GYPC: variants seen among roughly 807,000 people sequenced by gnomAD.
GYPC encodes the protein glycophorin C (Gerbich blood group), also known as glycophorin-C.
GYPC carries 14 observed loss-of-function variants against 12.6 expected under a neutral mutation model. The observed-to-expected ratio is 1.11, with a 90% CI of 0.74 to 1.74. The LOEUF is 1.74. Among genes scored for constraint, GYPC ranks in the 40% most tolerant of loss-of-function variants. The pLI, the probability that GYPC is intolerant of heterozygous loss-of-function variation, is 0.00. For synonymous variants in GYPC, 78 were observed against 62.1 expected (o/e 1.26, Z -1.20); for missense variants, 225 against 172.1 (o/e 1.31, Z -1.72).
At chr2:126,690,625 G>A (rs887495699) in intron 2 of GYPC, among the ~76,000 whole-genome samples, 7 of 152,206 alleles carry the variant, frequency 4.6e-5, no homozygotes, top group African/African-American at 1.2e-4. Context: ...TGGAGAGGCA[G>A]CAGTTTTGGT....
intron 1 of GYPC, chr2:126,680,001 A>C (rs972658592): frequency 3.9e-5 from 6 of 152,154 alleles, no homozygotes; most frequent in African/African-American, 1.4e-4. Context: ...GTAAGCTAAC[A>C]ATGATTTTTA....
intron 1 of GYPC, chr2:126,686,734 A>G (rs1414614695): frequency 1.4e-5 from 14 of 977,996 alleles, no homozygotes; most frequent in Non-Finnish European, 1.7e-5. Flanking sequence ...TTTCCAAAAA[A>G]TAGGTCCTCT....
intron 1 of GYPC, among the ~76,000 whole-genome samples, chr2:126,667,201 C>A (rs1438283210): frequency 6.6e-6 from 1 of 152,142 alleles, no homozygotes; most frequent in African/African-American, 2.4e-5. Flanking sequence ...GAGAATTCAG[C>A]AAGGCTGTTT....
intron 1 of GYPC, among the ~76,000 whole-genome samples, chr2:126,667,758 C>T (rs774850276): frequency 9.2e-5 from 14 of 152,192 alleles, no homozygotes; most frequent in Non-Finnish European, 1.9e-4. Flanking sequence ...TAGCAGGTGA[C>T]CTGAGCCCTG....
intron 1 of GYPC, chr2:126,680,440 C>G (rs371604236): frequency 2.6e-5 from 4 of 152,306 alleles, no homozygotes; most frequent in African/African-American, 9.6e-5. Context: ...GTGAGAGGAA[C>G]CTTTCCAGTG....
At chr2:126,684,956 CTG>C (rs1683244401) in intron 1 of GYPC, among the ~76,000 whole-genome samples, 2 of 152,308 alleles carry the variant, frequency 1.3e-5, no homozygotes, top group South Asian at 4.1e-4. Flanking sequence ...CCCTGTAACT[CTG>C]TGGCTGAATA....
chr2:126,684,177 C>G lies in GYPC; in HGVS notation c.50-6078C>G, dbSNP rs1218236001. ...CTGTTGTAAGGTCACCCATACAGACCTTCAGGGCAATCATTTTGACCTTGA... is the reference window on the plus strand; with the variant it reads ...CTGTTGTAAGGTCACCCATACAGACGTTCAGGGCAATCATTTTGACCTTGA... On this transcript the variant is annotated intron_variant, in intron 1 of 3. Coordinates refer to ENST00000259254, the MANE Select transcript of GYPC (RefSeq NM_002101.5). Among the ~76,000 whole-genome samples the G allele has an allele frequency of 3.9e-5, 6 of 152,288 alleles. No individual in the cohort carries two copies. In the East Asian group the frequency reaches 9.6e-4, roughly 24 times the overall value.
In GYPC at chr2:126,696,581, G is replaced by C. The variant is rs567737895; in HGVS notation, c.*439G>C. 8.4e-5 allele frequency: 22 copies of C among 261,290 alleles called. No homozygotes were observed. The South Asian group carries it at 1.0e-3, about 12-fold the overall frequency. The allele number at this position is 261,290 out of a possible 1,614,324, so 16.2% of individuals were successfully genotyped here. A position where few individuals can be genotyped will look rare whatever the true frequency, so the allele number is the denominator to read the frequency against. On this transcript the variant is annotated 3_prime_UTR_variant, in exon 4 of 4. Transcript: ENST00000259254. ...AATGTCAGTCCTTGACATTTGGGGG[G>C]AACAGCAGGTGCCAGAGCTAAAAGG...
At chr2:126,666,200 C>T (rs1682672683) in intron 1 of GYPC, among the ~76,000 whole-genome samples, 1 of 152,144 alleles carries the variant, frequency 6.6e-6, no homozygotes. Flanking sequence ...ACCCACTCTT[C>T]CCCCGGGGAA....
chr2:126,661,987 G>A lies in GYPC; in HGVS notation c.49+5675G>A, dbSNP rs553317154. Among the ~76,000 whole-genome samples, 5 of 152,290 alleles carry A rather than the reference G, an allele frequency of 3.3e-5. No homozygotes were observed. The South Asian group carries it at 6.2e-4, about 19-fold the overall frequency. On this transcript the variant is annotated intron_variant, in intron 1 of 3. Transcript: ENST00000259254. Reference sequence around the variant, plus strand: ...TGATGGTCTTGACTGACACATCCTCGCAGAGAGCCACTGCCAGGGCGCCTC... The same window carrying A: ...TGATGGTCTTGACTGACACATCCTCACAGAGAGCCACTGCCAGGGCGCCTC...
intron 1 of GYPC, among the ~76,000 whole-genome samples, chr2:126,687,723 C>T (rs1055899106): frequency 6.6e-6 from 1 of 152,242 alleles, no homozygotes; most frequent in Non-Finnish European, 1.5e-5. Flanking sequence ...GGAGGCCCAG[C>T]TGGCAATCCC....
At chr2:126,695,137 A>G (rs533300375) in intron 3 of GYPC, among the ~76,000 whole-genome samples, 121 of 152,298 alleles carry the variant, frequency 7.9e-4, no homozygotes, top group Non-Finnish European at 1.4e-3. Flanking sequence ...GGCCATTGAA[A>G]AACACAAACC....
intron 1 of GYPC, among the ~76,000 whole-genome samples, chr2:126,687,588 CAT>C (rs549218463): frequency 3.8e-4 from 58 of 152,302 alleles, no homozygotes; most frequent in Non-Finnish European, 7.2e-4. Context: ...CATTGTGAAA[CAT>C]GTGTAAATTC....
intron 1 of GYPC, among the ~76,000 whole-genome samples, chr2:126,670,041 C>T (rs1682800688): frequency 6.6e-6 from 1 of 152,216 alleles, no homozygotes; most frequent in South Asian, 2.1e-4. Context: ...ACTGCCCTGC[C>T]TCCTGCCCTG....
chr2:126,682,659 A>G (rs946468737), intron 1 of GYPC, among the ~76,000 whole-genome samples: 2 of 152,214 alleles, frequency 1.3e-5, no homozygotes, highest in Admixed American at 6.5e-5. Flanking sequence ...GAGGTTACAC[A>G]GTGGGGGCTG....
chr2:126,694,272 T>G (rs901785757), intron 3 of GYPC, among the ~76,000 whole-genome samples: 1 of 152,134 alleles, frequency 6.6e-6, no homozygotes, highest in African/African-American at 2.4e-5. Context: ...ACCAGGCTAC[T>G]TAGACTTCTC....
At chr2:126,684,828 G>A (rs926551596) in intron 1 of GYPC, among the ~76,000 whole-genome samples, 3 of 152,088 alleles carry the variant, frequency 2.0e-5, no homozygotes, top group African/African-American at 7.2e-5. Context: ...AGTCTCCCTA[G>A]CACCTCGTCA....
chr2:126,695,296 T>C (rs1254316946), intron 3 of GYPC, among the ~76,000 whole-genome samples: 1 of 152,172 alleles, frequency 6.6e-6, no homozygotes. Flanking sequence ...GGGGTATGAT[T>C]CTAACGTGTC....
chr2:126,678,274 A>G (rs13395599), intron 1 of GYPC: 36,520 of 152,216 alleles, frequency 0.24, 4,988 homozygotes, highest in Non-Finnish European at 0.32. Context: ...GAAAGAAAAA[A>G]ATAAATGCCC....
Sources: gnomAD v4.1 joint callset for allele counts (sites outside exome capture counted in the v4.1 genomes callset) on GRCh38, gnomAD v4.1.1 for gene constraint, MANE v1.5 for transcripts, NCBI Gene and HGNC (gene_info 2026-07-23, HGNC 2026-07-21) for gene names.